FEZ2: variants seen among roughly 807,000 people sequenced by gnomAD.
FEZ2 encodes the protein fasciculation and elongation protein zeta-2.
Under a neutral mutation model 40.4 loss-of-function variants are expected in FEZ2, and 51 were observed. That is an observed-to-expected ratio of 1.26 (90% confidence interval 1.01 to 1.59). The LOEUF (loss-of-function observed/expected upper bound fraction) is 1.59. Ranked by LOEUF, FEZ2 falls within the 40% of genes most tolerant of loss-of-function variation. FEZ2 has a pLI of 0.00. For missense variants in FEZ2, 640 were observed against 438.3 expected, an observed-to-expected ratio of 1.46 and a Z score of -4.11; for synonymous variants, 242 against 172.0, an observed-to-expected ratio of 1.41 and a Z score of -3.18.
chr2:36,594,830 G>T (rs768868269), intron 1 of FEZ2, among the ~76,000 whole-genome samples: 1 of 152,158 alleles, frequency 6.6e-6, no homozygotes, highest in Non-Finnish European at 1.5e-5. Flanking sequence ...CAAATGGGAT[G>T]GAATATTTCA....
chr2:36,568,353 GTAAA>G (rs1005708657), intron 5 of FEZ2, among the ~76,000 whole-genome samples: 2 of 152,128 alleles, frequency 1.3e-5, no homozygotes, highest in African/African-American at 4.8e-5. Context: ...AAATAAATAA[GTAAA>G]TAATTTTTTA....
At chr2:36,574,122 C>T (rs1268466559) in intron 5 of FEZ2, among the ~76,000 whole-genome samples, 2 of 152,152 alleles carry the variant, frequency 1.3e-5, no homozygotes, top group Admixed American at 6.5e-5. Context: ...GGCAGTTGGA[C>T]ATATATAACA....
chr2:36,560,926 AG>A (rs1196394582), intron 5 of FEZ2: 5 of 1,044,238 alleles, frequency 4.8e-6, no homozygotes, highest in Non-Finnish European at 7.2e-6. Context: ...AAAGTCTATT[AG>A]TAAGAATGTA....
intron 5 of FEZ2, among the ~76,000 whole-genome samples, chr2:36,572,875 T>C (rs1406692273): frequency 6.6e-6 from 1 of 152,108 alleles, no homozygotes; most frequent in Non-Finnish European, 1.5e-5. Context: ...TGAAAGAAAA[T>C]ATATACAAGA....
At chr2:36,565,702 G>A (rs1668217613) in intron 5 of FEZ2, among the ~76,000 whole-genome samples, 2 of 152,066 alleles carry the variant, frequency 1.3e-5, no homozygotes, top group Admixed American at 1.3e-4. Context: ...CACTAAAAAC[G>A]TGGTAGTTGT....
intron 5 of FEZ2, among the ~76,000 whole-genome samples, chr2:36,575,592 A>G (rs1668545379): frequency 6.6e-6 from 1 of 152,222 alleles, no homozygotes; most frequent in South Asian, 2.1e-4. Context: ...GTTATTTTAA[A>G]CCTAAAACTC....
At chr2:36,565,498 G>A (rs1668210831) in intron 5 of FEZ2, among the ~76,000 whole-genome samples, 1 of 152,074 alleles carries the variant, frequency 6.6e-6, no homozygotes, top group Non-Finnish European at 1.5e-5. Flanking sequence ...TGAGCAGCCT[G>A]CATTTCCCCA....
chr2:36,596,886 T>C (rs1344019976), intron 1 of FEZ2, among the ~76,000 whole-genome samples: 1 of 152,158 alleles, frequency 6.6e-6, no homozygotes, highest in Non-Finnish European at 1.5e-5. Context: ...GGTAAAACCA[T>C]GGTACCTAAT....
chr2:36,570,117 TTAAGA>T (rs780812060), intron 5 of FEZ2, among the ~76,000 whole-genome samples: 64 of 152,098 alleles, frequency 4.2e-4, no homozygotes, highest in Non-Finnish European at 7.8e-4. Context: ...ATTCAAATAG[TTAAGA>T]TATTATTTAA....
intron 7 of FEZ2, among the ~76,000 whole-genome samples, chr2:36,553,806 C>G (rs1208035533): frequency 6.6e-6 from 1 of 152,114 alleles, no homozygotes; most frequent in Non-Finnish European, 1.5e-5. Flanking sequence ...GTTAAAACAA[C>G]AACAAACCAC....
At chr2:36,572,536 A>G (rs1668447723) in intron 5 of FEZ2, among the ~76,000 whole-genome samples, 1 of 152,204 alleles carries the variant, frequency 6.6e-6, no homozygotes, top group Non-Finnish European at 1.5e-5. Flanking sequence ...TAGGCTTTGT[A>G]AGCCACACAG....
intron 5 of FEZ2, among the ~76,000 whole-genome samples, chr2:36,573,082 C>A (rs1332030069): frequency 2.6e-5 from 4 of 152,164 alleles, no homozygotes; most frequent in Non-Finnish European, 4.4e-5. Context: ...CGCAGTTATG[C>A]ATTTTTGATG....
At chr2:36,592,187 A>G (rs1669090706) in intron 1 of FEZ2, among the ~76,000 whole-genome samples, 1 of 152,224 alleles carries the variant, frequency 6.6e-6, no homozygotes, top group South Asian at 2.1e-4. Context: ...TAGGTATCTA[A>G]TTGTGAATAA....
In FEZ2 at chr2:36,553,096, T is replaced by G; in HGVS notation, c.*67A>C. 1 of 1,377,070 alleles carries G rather than the reference T, an allele frequency of 7.3e-7. No homozygotes were observed. The highest frequency in any genetic ancestry group is 1.0e-6 in the Non-Finnish European group (1 of 989,804). The allele number at this position is 1,377,070 out of a possible 1,614,324, so 85.3% of individuals were successfully genotyped here. On this transcript the variant is annotated 3_prime_UTR_variant, in exon 8 of 8. Transcript: ENST00000405912. ...TTTCCAATAGCAAGAAGGGTAATGG[T>G]AGCCAGCTCTCAGAATAATGCTGTC...
chr2:36,571,754 C>G (rs2125228967), intron 5 of FEZ2, among the ~76,000 whole-genome samples: 1 of 151,964 alleles, frequency 6.6e-6, no homozygotes, highest in African/African-American at 2.4e-5. Flanking sequence ...TCCTGTAATC[C>G]CAGCACTTTG....
At chr2:36,589,048 C>T (rs1428116216) in intron 2 of FEZ2, among the ~76,000 whole-genome samples, 3 of 152,270 alleles carry the variant, frequency 2.0e-5, no homozygotes, top group Non-Finnish European at 4.4e-5. Flanking sequence ...CTTTCTATCA[C>T]GATCTCTGGC....
At chr2:36,557,733 G>C (rs1245696318) in intron 6 of FEZ2, 1 of 152,154 alleles carries the variant, frequency 6.6e-6, no homozygotes, top group Non-Finnish European at 1.5e-5. Flanking sequence ...GCAAAAGAGA[G>C]TAAGTAACTT....
chr2:36,578,548 C>T lies in FEZ2; in HGVS notation c.903+49G>A, dbSNP rs778041203. On this transcript the variant is annotated intron_variant, in intron 5 of 7. Transcript: ENST00000405912. ...CACCAGCCCCAAAGGCTGGGACTACCACAGAACCTGTTTCCAGTGTTCGAC... is the reference window on the plus strand; with the variant it reads ...CACCAGCCCCAAAGGCTGGGACTACTACAGAACCTGTTTCCAGTGTTCGAC... 4.5e-6 allele frequency: 7 copies of T among 1,572,994 alleles called. No homozygotes were observed. In the African/African-American group the frequency reaches 9.5e-5, roughly 21 times the overall value.
At chr2:36,553,789 C>G (rs767413982) in intron 7 of FEZ2, among the ~76,000 whole-genome samples, 3 of 152,130 alleles carry the variant, frequency 2.0e-5, no homozygotes, top group Non-Finnish European at 4.4e-5. Context: ...GCCACACTCT[C>G]ATCTGTGTTA....
Sources: gnomAD v4.1 joint callset for allele counts (sites outside exome capture counted in the v4.1 genomes callset) on GRCh38, gnomAD v4.1.1 for gene constraint, MANE v1.5 for transcripts, NCBI Gene and HGNC (gene_info 2026-07-23, HGNC 2026-07-21) for gene names.